LINGO2: variants seen among roughly 807,000 people sequenced by gnomAD.
LINGO2 encodes the protein leucine rich repeat and Ig domain containing 2, also known as leucine-rich repeat and immunoglobulin-like domain-containing nogo receptor-interacting protein 2.
A neutral mutation model predicts 30.6 loss-of-function variants in LINGO2; 14 were observed. That is an observed-to-expected ratio of 0.46 (90% CI 0.30 to 0.72). The LOEUF (loss-of-function observed/expected upper bound fraction) is 0.72, where lower values mean the gene tolerates loss of function less well. LINGO2 is among the 30% of genes least tolerant of loss of function. The pLI, the probability that LINGO2 is intolerant of heterozygous loss-of-function variation, is 0.07. For synonymous variants in LINGO2, 317 were observed against 288.5 expected (o/e 1.10, Z -1.00); for missense variants, 729 against 751.7 (o/e 0.97, Z 0.35).
chr9:28,941,532 A>G, the LINGO2 span, among the ~76,000 whole-genome samples: 308 of 152,242 alleles, frequency 2.0e-3, 3 homozygotes, highest in Admixed American at 0.017. Flanking sequence ...ATATTATAGT[A>G]CAATTGTTCT....
At chr9:28,371,337 C>T (rs539581102) in intron 3 of LINGO2, among the ~76,000 whole-genome samples, 1 of 152,274 alleles carries the variant, frequency 6.6e-6, no homozygotes, top group East Asian at 1.9e-4. Flanking sequence ...ATTGAAACAA[C>T]AGAAATGTAT....
chr9:28,367,035 T>C (rs998701601), intron 3 of LINGO2, among the ~76,000 whole-genome samples: 13 of 150,298 alleles, frequency 8.6e-5, no homozygotes, highest in Non-Finnish European at 1.8e-4. Flanking sequence ...AGATTTAGCT[T>C]CTTAAAACTG....
At chr9:28,144,891 A>C (rs994214351) in intron 4 of LINGO2, among the ~76,000 whole-genome samples, 1 of 152,188 alleles carries the variant, frequency 6.6e-6, no homozygotes, top group Non-Finnish European at 1.5e-5. Context: ...AGTTACAAAA[A>C]CTGGATGGAC....
intron 4 of LINGO2, among the ~76,000 whole-genome samples, chr9:28,226,417 T>A (rs549576570): frequency 8.3e-4 from 126 of 152,148 alleles, no homozygotes; most frequent in Non-Finnish European, 1.5e-3. Flanking sequence ...TTACAGTATG[T>A]TACATACAAT....
intron 4 of LINGO2, among the ~76,000 whole-genome samples, chr9:28,258,718 C>T (rs1001317664): frequency 5.3e-5 from 8 of 151,926 alleles, no homozygotes; most frequent in Non-Finnish European, 1.2e-4. Flanking sequence ...AACTACAACA[C>T]GGAACATCTT....
intron 4 of LINGO2, among the ~76,000 whole-genome samples, chr9:28,218,171 A>G (rs1820834670): frequency 6.7e-6 from 1 of 149,574 alleles, no homozygotes; most frequent in Non-Finnish European, 1.5e-5. Context: ...AATACTAAAT[A>G]TAGTATCAAA....
the LINGO2 span, among the ~76,000 whole-genome samples, chr9:29,126,222 T>C: frequency 6.6e-6 from 1 of 151,884 alleles, no homozygotes; most frequent in African/African-American, 2.4e-5. Context: ...GAAAAAAATA[T>C]ATAATTGAGT....
At chr9:28,646,453 T>C (rs535888408) in intron 1 of LINGO2, among the ~76,000 whole-genome samples, 1 of 152,170 alleles carries the variant, frequency 6.6e-6, no homozygotes, top group African/African-American at 2.4e-5. Flanking sequence ...AATTAACACC[T>C]TTAAGAACTT....
At chr9:28,833,951 T>C in the LINGO2 span, among the ~76,000 whole-genome samples, 1 of 152,120 alleles carries the variant, frequency 6.6e-6, no homozygotes, top group Non-Finnish European at 1.5e-5. Context: ...TGTCATAATT[T>C]ATGGTTCATT....
intron 4 of LINGO2, among the ~76,000 whole-genome samples, chr9:28,255,127 A>C (rs1271634649): frequency 1.3e-5 from 2 of 152,086 alleles, no homozygotes; most frequent in African/African-American, 2.4e-5. Flanking sequence ...ATTTATGTAC[A>C]GTCTCAAGGA....
At chr9:28,006,949 T>C (rs1256863596) in intron 5 of LINGO2, among the ~76,000 whole-genome samples, 1 of 152,172 alleles carries the variant, frequency 6.6e-6, no homozygotes, top group Non-Finnish European at 1.5e-5. Flanking sequence ...GTAACAATTA[T>C]TTATTGAATA....
chr9:28,978,310 T>C, the LINGO2 span, among the ~76,000 whole-genome samples: 2 of 152,076 alleles, frequency 1.3e-5, no homozygotes, highest in African/African-American at 2.4e-5. Flanking sequence ...TGAGAACAAC[T>C]GTAACTAAAA....
the LINGO2 span, among the ~76,000 whole-genome samples, chr9:28,925,969 T>C: frequency 6.6e-6 from 1 of 152,080 alleles, no homozygotes; most frequent in Non-Finnish European, 1.5e-5. Flanking sequence ...GGCAGTGAAA[T>C]GAGGAAATTC....
At chr9:28,455,129 A>G (rs1824794412) in intron 2 of LINGO2, among the ~76,000 whole-genome samples, 1 of 151,944 alleles carries the variant, frequency 6.6e-6, no homozygotes, top group Non-Finnish European at 1.5e-5. Context: ...TTTGTCTTGT[A>G]GGAAAAATCA....
intron 1 of LINGO2, chr9:28,598,865 G>A (rs913487721): frequency 1.3e-5 from 2 of 151,866 alleles, no homozygotes; most frequent in African/African-American, 2.4e-5. Flanking sequence ...AAAAGCAGCA[G>A]TCTTGAAGCC....
At chr9:28,276,671 A>G (rs1338711170) in intron 4 of LINGO2, among the ~76,000 whole-genome samples, 1 of 152,112 alleles carries the variant, frequency 6.6e-6, no homozygotes, top group Non-Finnish European at 1.5e-5. Flanking sequence ...TCTTCATAAT[A>G]TCTGTGATTG....
At chr9:28,533,747 T>C (rs924658487) in intron 1 of LINGO2, among the ~76,000 whole-genome samples, 1 of 152,172 alleles carries the variant, frequency 6.6e-6, no homozygotes, top group East Asian at 1.9e-4. Flanking sequence ...TAGTAAATGA[T>C]GGTTAATATT....
chr9:28,908,765 A>G, the LINGO2 span, among the ~76,000 whole-genome samples: 1 of 151,946 alleles, frequency 6.6e-6, no homozygotes, highest in Non-Finnish European at 1.5e-5. Flanking sequence ...AGTTATTTTT[A>G]TTTAGAGAGA....
At chr9:28,949,863 T>C in the LINGO2 span, among the ~76,000 whole-genome samples, 1 of 152,172 alleles carries the variant, frequency 6.6e-6, no homozygotes, top group African/African-American at 2.4e-5. Flanking sequence ...TTCATCAATA[T>C]TGATGCAAAA....
Sources: allele counts gnomAD v4.1 joint callset (sites outside exome capture counted in the v4.1 genomes callset), GRCh38; gene constraint gnomAD v4.1.1; transcripts MANE v1.5; gene names NCBI Gene and HGNC (gene_info 2026-07-23, HGNC 2026-07-21).